The following USP47 variants were observed in gnomAD, a reference collection of about 807,000 sequenced individuals.
USP47 encodes ubiquitin carboxyl-terminal hydrolase 47.
In USP47, 35 loss-of-function variants were observed where a neutral mutation model predicts 165.1. The observed-to-expected ratio is 0.21, with a 90% CI of 0.16 to 0.28. USP47 has a LOEUF of 0.28. Ranked by LOEUF, USP47 falls within the 10% of genes least tolerant of loss-of-function variation. The pLI, the probability that USP47 is intolerant of heterozygous loss-of-function variation, is 1.00. For synonymous variants in USP47, 531 were observed against 544.5 expected (o/e 0.98, Z 0.35); for missense variants, 1,277 against 1,607.4 (o/e 0.79, Z 3.52).
At chr11:11,928,809 C>G (rs1323900605) in intron 11 of USP47, among the ~76,000 whole-genome samples, 1 of 151,896 alleles carries the variant, frequency 6.6e-6, no homozygotes, top group Non-Finnish European at 1.5e-5. Flanking sequence ...TCTTGATTTT[C>G]TTCCACAAAT....
intron 3 of USP47, among the ~76,000 whole-genome samples, chr11:11,885,498 C>T (rs573965121): frequency 2.0e-5 from 3 of 152,260 alleles, no homozygotes; most frequent in Non-Finnish European, 2.9e-5. Context: ...CAGGAAACCA[C>T]GCTACTTTCA....
chr11:11,944,598 T>C (rs1467656766), intron 20 of USP47, among the ~76,000 whole-genome samples: 1 of 152,172 alleles, frequency 6.6e-6, no homozygotes, highest in Non-Finnish European at 1.5e-5. Flanking sequence ...CCGTTTTCAC[T>C]GATGACGAAA....
In USP47 at chr11:11,959,242, G is replaced by A. The variant is rs1172167579; in HGVS notation, c.*3067G>A. ...GCGTCAAGGCCCTAATTTTGCAAAT[G>A]TAGTCTAAACCACATTACGTGGACT... On this transcript the variant is annotated 3_prime_UTR_variant, in exon 28 of 28. Coordinates refer to ENST00000527733, the MANE Select transcript of USP47 (RefSeq NM_001282659.2). The A allele has an allele frequency of 6.6e-6, 1 of 152,198 alleles. No individual in the cohort carries two copies. The highest frequency in any genetic ancestry group is 2.4e-5 in the African/African-American group (1 of 41,452). The allele number at this position is 152,198 out of a possible 1,614,324, so 9.4% of individuals were successfully genotyped here.
At chr11:11,953,043 T>C (rs1244485010) in intron 25 of USP47, among the ~76,000 whole-genome samples, 172 bp downstream of exon 25, 9 of 152,200 alleles carry the variant, frequency 5.9e-5, no homozygotes, top group Non-Finnish European at 1.3e-4. Flanking sequence ...CTGTCACACC[T>C]TGTGGCACAC....
intron 1 of USP47, 25 bp downstream of exon 1, chr11:11,842,249 G>A (rs1365777858): frequency 1.3e-6 from 2 of 1,550,646 alleles, no homozygotes; most frequent in East Asian, 2.4e-5. Flanking sequence ...AGGAGGTTAG[G>A]CCTTAGGCCT....
At position 11,861,476 on chromosome 11, in the gene USP47, A is replaced by G. The variant is rs11022068; in HGVS notation, c.40-18701A>G. On this transcript the variant is annotated intron_variant, in intron 1 of 27. Coordinates refer to ENST00000527733, the MANE Select transcript of USP47 (RefSeq NM_001282659.2). ...GGTTTTTAATTGTCAAAATAGGTCA[A>G]TCATAGTTAAATGGATTGTAAACTA... 1.3e-4 allele frequency among the ~76,000 whole-genome samples: 20 copies of G among 152,316 alleles called. No individual in the cohort carries two copies. The East Asian group carries it at 3.1e-3, about 24-fold the overall frequency.
At chr11:11,883,963 T>G (rs535523055) in intron 2 of USP47, among the ~76,000 whole-genome samples, 1 of 152,306 alleles carries the variant, frequency 6.6e-6, no homozygotes, top group African/African-American at 2.4e-5. Flanking sequence ...TACATTAGTT[T>G]TATTTTTGTT....
In USP47 at chr11:11,902,803, AAG is replaced by A; in HGVS notation, c.687_688del (p.Arg229SerfsTer3). ...TTTTGTTTTGTTACAAACCAGCAAA[AAG>A]AGAGCAATTGAAACCACAGATGTTA... Reference protein sequence around the residue: ...RLFVLLQTSKKRAIETTDVTR... With the variant: ...RLFVLLQTSKXRAIETTDVTR... On this transcript the variant is annotated frameshift_variant, in exon 6 of 28. Transcript: ENST00000527733. LOFTEE classifies it high-confidence loss of function. 6.2e-7 allele frequency: 1 copy of A among 1,604,036 alleles called. No individual in the cohort carries two copies. Among genetic ancestry groups the A allele is most frequent in the Non-Finnish European group, 8.5e-7 (1 of 1,174,430 alleles).
At chr11:11,874,790 T>C (rs4405306) in intron 1 of USP47, among the ~76,000 whole-genome samples, 119,439 of 152,172 alleles carry the variant, frequency 0.78, 47,620 homozygotes, top group African/African-American at 0.93. Context: ...AACTCCTGAC[T>C]TCAGGTGATC....
chr11:11,879,942 T>C (rs1018345884), intron 1 of USP47, among the ~76,000 whole-genome samples: 1 of 152,134 alleles, frequency 6.6e-6, no homozygotes. Context: ...CAAAAATGAT[T>C]GTTGATTCTG....
At chr11:11,904,299 G>T (rs181291470) in intron 7 of USP47, among the ~76,000 whole-genome samples, 1 of 152,122 alleles carries the variant, frequency 6.6e-6, no homozygotes, top group Non-Finnish European at 1.5e-5. Flanking sequence ...AATGAAGAAG[G>T]CTTCATTAAA....
intron 2 of USP47, among the ~76,000 whole-genome samples, chr11:11,881,545 T>A (rs1850829862): frequency 6.6e-6 from 1 of 152,134 alleles, no homozygotes. Flanking sequence ...GTGGTTCCCC[T>A]TAGTTTTATT....
At chr11:11,853,543 G>A (rs912362921) in intron 1 of USP47, among the ~76,000 whole-genome samples, 1 of 152,192 alleles carries the variant, frequency 6.6e-6, no homozygotes, top group Non-Finnish European at 1.5e-5. Flanking sequence ...CTGGTATAGT[G>A]TAAGAAGGGA....
At chr11:11,919,380 T>A (rs1365988834) in intron 8 of USP47, among the ~76,000 whole-genome samples, 4 of 151,930 alleles carry the variant, frequency 2.6e-5, no homozygotes, top group Admixed American at 2.6e-4. Flanking sequence ...CAGATGAAAT[T>A]TGAGATTATG....
chr11:11,920,280 G>T (rs759099409), intron 9 of USP47, 29 bp downstream of exon 9: 2 of 1,605,316 alleles, frequency 1.2e-6, no homozygotes, highest in Admixed American at 3.4e-5. Context: ...TTAATACTTA[G>T]GAATCTGAGA....
chr11:11,880,514 C>T, intron 2 of USP47, 134 bp downstream of exon 2: 1 of 584,250 alleles, frequency 1.7e-6, no homozygotes, highest in East Asian at 3.5e-5. Context: ...AGCCTATGTG[C>T]AGCTCAGTAA....
At chr11:11,947,908 A>G (rs1855950001) in intron 20 of USP47, 37 bp from the exon 21 acceptor site, 2 of 1,564,386 alleles carry the variant, frequency 1.3e-6, no homozygotes, top group Non-Finnish European at 1.7e-6. Context: ...TTTCTTTTAC[A>G]TTTTTGTTCC....
chr11:11,904,373 T>C (rs1014347240), intron 7 of USP47, among the ~76,000 whole-genome samples: 1 of 152,190 alleles, frequency 6.6e-6, no homozygotes, highest in African/African-American at 2.4e-5. Flanking sequence ...TCCTATTTGT[T>C]TGAAGAAATG....
intron 20 of USP47, among the ~76,000 whole-genome samples, chr11:11,945,134 T>C (rs1855740178): frequency 6.6e-6 from 1 of 152,166 alleles, no homozygotes; most frequent in South Asian, 2.1e-4. Context: ...AAGGTCTTGT[T>C]TGAAAAGAAA....
Sources: allele counts gnomAD v4.1 joint callset (sites outside exome capture counted in the v4.1 genomes callset), GRCh38; gene constraint gnomAD v4.1.1; transcripts MANE v1.5; gene names NCBI Gene and HGNC (gene_info 2026-07-23, HGNC 2026-07-21).